Variants in ERGIC1 observed in about 807,000 individuals in gnomAD.
The protein encoded by ERGIC1 is endoplasmic reticulum-golgi intermediate compartment 1.
A neutral mutation model predicts 38.3 loss-of-function variants in ERGIC1; 19 were observed. That is an observed-to-expected ratio of 0.50 (90% CI 0.35 to 0.73). The LOEUF is 0.73. Ranked by LOEUF, ERGIC1 falls within the 30% of genes least tolerant of loss-of-function variation. ERGIC1 has a pLI of 0.01. For missense variants in ERGIC1, 294 were observed against 389.2 expected, an observed-to-expected ratio of 0.76 and a Z score of 2.06; for synonymous variants, 124 against 157.6, an observed-to-expected ratio of 0.79 and a Z score of 1.60.
intron 1 of ERGIC1, among the ~76,000 whole-genome samples, chr5:172,848,431 A>G (rs1309411354): frequency 6.6e-6 from 1 of 152,220 alleles, no homozygotes; most frequent in Non-Finnish European, 1.5e-5. Flanking sequence ...CTCTTCCTCA[A>G]AAAAGATCTT....
intron 1 of ERGIC1, among the ~76,000 whole-genome samples, chr5:172,839,240 CAA>C (rs1265161853): frequency 7.5e-4 from 53 of 71,110 alleles, no homozygotes; most frequent in East Asian, 1.4e-3. Flanking sequence ...GACTCTGTCT[CAA>C]AAAAAAAAAA....
chr5:172,881,020 A>G (rs908629535), intron 1 of ERGIC1, among the ~76,000 whole-genome samples: 1 of 152,156 alleles, frequency 6.6e-6, no homozygotes, highest in African/African-American at 2.4e-5. Flanking sequence ...AGGCTGAGGC[A>G]GGCAGATCAC....
intron 5 of ERGIC1, chr5:172,922,316 G>A (rs1763540444): frequency 6.6e-6 from 1 of 152,298 alleles, no homozygotes; most frequent in Non-Finnish European, 1.5e-5. Flanking sequence ...AGTGTTGTTT[G>A]TTTAGTCATT....
chr5:172,884,327 A>C (rs556806495), intron 1 of ERGIC1, among the ~76,000 whole-genome samples: 2 of 146,884 alleles, frequency 1.4e-5, no homozygotes, highest in African/African-American at 5.1e-5. Context: ...CCATAGCATT[A>C]AACTCCTGGA....
intron 3 of ERGIC1, chr5:172,898,250 C>T (rs1762775235): frequency 5.5e-6 from 1 of 183,218 alleles, no homozygotes. Context: ...AGAAGACTCT[C>T]ATTATACAAG....
At chr5:172,941,520 G>C (rs1040503280) in intron 9 of ERGIC1, among the ~76,000 whole-genome samples, 1 of 152,102 alleles carries the variant, frequency 6.6e-6, no homozygotes, top group African/African-American at 2.4e-5. Context: ...GCCTGCCTCT[G>C]CAACATCCCC....
At chr5:172,935,398 C>G (rs1763868660) in intron 9 of ERGIC1, 88 bp downstream of exon 9, 3 of 1,563,564 alleles carry the variant, frequency 1.9e-6, no homozygotes, top group African/African-American at 1.4e-5. Flanking sequence ...CTCACCTGTT[C>G]TCGCTGAAAC....
Position 172,951,005 on chromosome 5 carries a change from C to T in ERGIC1, c.*189C>T, listed in dbSNP as rs1298913366. ...TCTTTTCCCCGTGTTTCTTTTTAGA[C>T]AAATTACACTGCCTGAAGTTGCAGT... On this transcript the variant is annotated 3_prime_UTR_variant, in exon 10 of 10. Transcript: ENST00000393784. 1.9e-6 allele frequency: 1 copy of T among 523,454 alleles called. No individual in the cohort carries two copies. The highest frequency in any genetic ancestry group is 3.4e-6 in the Non-Finnish European group (1 of 298,392). 32.4% of individuals were successfully genotyped at this position (523,454 alleles called of 1,614,324 possible). A position where few individuals can be genotyped will look rare whatever the true frequency, so the allele number is the denominator to read the frequency against.
chr5:172,850,012 G>A (rs533670168), intron 1 of ERGIC1, among the ~76,000 whole-genome samples: 3 of 152,188 alleles, frequency 2.0e-5, no homozygotes, highest in Admixed American at 1.3e-4. Flanking sequence ...AACCGAGGTG[G>A]CGTGATCTGA....
intron 1 of ERGIC1, among the ~76,000 whole-genome samples, chr5:172,876,575 C>T (rs1163724483): frequency 6.6e-6 from 1 of 152,132 alleles, no homozygotes; most frequent in Non-Finnish European, 1.5e-5. Flanking sequence ...ATGTTTTATT[C>T]AGACAGCTTT....
chr5:172,893,867 GGATATATATATAT>G, intron 2 of ERGIC1, among the ~76,000 whole-genome samples: 1 of 56,000 alleles, frequency 1.8e-5, no homozygotes, highest in East Asian at 5.6e-4. Flanking sequence ...TCACTTAGGG[GGATATATATATAT>G]ATATATATAT....
intron 1 of ERGIC1, among the ~76,000 whole-genome samples, chr5:172,852,278 C>T (rs59254893): frequency 0.099 from 15,008 of 152,214 alleles, 1,105 homozygotes; most frequent in African/African-American, 0.2. Context: ...TTTTCCAAAA[C>T]GCAGGCAGGG....
At chr5:172,874,822 G>A (rs1400195014) in intron 1 of ERGIC1, among the ~76,000 whole-genome samples, 2 of 151,780 alleles carry the variant, frequency 1.3e-5, no homozygotes, top group Non-Finnish European at 2.9e-5. Context: ...TCCTTGAAAG[G>A]CCAAGGTGGG....
At chr5:172,839,297 T>C (rs1761102583) in intron 1 of ERGIC1, among the ~76,000 whole-genome samples, 1 of 151,106 alleles carries the variant, frequency 6.6e-6, no homozygotes, top group African/African-American at 2.4e-5. Context: ...AGCTCACACC[T>C]GTAATCCCAG....
At chr5:172,897,133 A>AG in intron 3 of ERGIC1, 59 bp downstream of exon 3, 1 of 1,548,954 alleles carries the variant, frequency 6.5e-7, no homozygotes, top group Non-Finnish European at 8.9e-7. Flanking sequence ...AGACAAGAAG[A>AG]GGGAGGGGTC....
chr5:172,851,027 C>T (rs1761390047), intron 1 of ERGIC1, among the ~76,000 whole-genome samples: 1 of 151,334 alleles, frequency 6.6e-6, no homozygotes, highest in African/African-American at 2.4e-5. Context: ...TGGTGAAACT[C>T]CATCTCTACT....
At chr5:172,859,375 C>T (rs1453634221) in intron 1 of ERGIC1, among the ~76,000 whole-genome samples, 1 of 152,016 alleles carries the variant, frequency 6.6e-6, no homozygotes, top group African/African-American at 2.4e-5. Context: ...GTCCCACCCA[C>T]CCCCAACTCC....
intron 7 of ERGIC1, among the ~76,000 whole-genome samples, chr5:172,932,061 C>G (rs969990227): frequency 8.6e-4 from 130 of 151,798 alleles, no homozygotes; most frequent in Admixed American, 1.4e-3. Flanking sequence ...GTTTCACCAT[C>G]TTGGGCAGGC....
chr5:172,919,625 T>A (rs145129114), intron 5 of ERGIC1, among the ~76,000 whole-genome samples: 4 of 152,264 alleles, frequency 2.6e-5, no homozygotes, highest in African/African-American at 9.6e-5. Context: ...TTAGCTTCTC[T>A]GAGCCTCAGG....
Sources: gnomAD v4.1 joint callset for allele counts (sites outside exome capture counted in the v4.1 genomes callset) on GRCh38, gnomAD v4.1.1 for gene constraint, MANE v1.5 for transcripts, NCBI Gene and HGNC (gene_info 2026-07-23, HGNC 2026-07-21) for gene names.